Variants in RAC1 observed in about 807,000 individuals in gnomAD.
RAC1 encodes ras-related C3 botulinum toxin substrate 1.
Under a neutral mutation model 25.2 loss-of-function variants are expected in RAC1, and 2 were observed. The observed-to-expected ratio is 0.08, with a 90% CI of 0.03 to 0.25. RAC1 has a LOEUF of 0.25. Among genes scored for constraint, RAC1 ranks in the 10% least tolerant of loss-of-function variants. The pLI is 1.00. For missense variants in RAC1, 50 were observed against 235.7 expected (o/e 0.21, Z 5.16); for synonymous variants, 88 against 94.0 (o/e 0.94, Z 0.37).
intron 1 of RAC1, among the ~76,000 whole-genome samples, chr7:6,384,828 G>T (rs1782877554): frequency 6.6e-6 from 1 of 151,482 alleles, no homozygotes; most frequent in South Asian, 2.1e-4. Flanking sequence ...TTTGAGACAG[G>T]GTCTCACTTT....
chr7:6,387,104 T>C, intron 1 of RAC1, 108 bp from the exon 2 acceptor site: 1 of 677,414 alleles, frequency 1.5e-6, no homozygotes, highest in South Asian at 1.8e-5. Context: ...GCTAAGTATG[T>C]GATGTATATG....
chr7:6,387,045 A>G (rs1254868627), intron 1 of RAC1, among the ~76,000 whole-genome samples, 167 bp from the exon 2 acceptor site: 3 of 152,162 alleles, frequency 2.0e-5, no homozygotes, highest in Non-Finnish European at 2.9e-5. Context: ...ATTTCAGGGT[A>G]CCAATGTGTA....
intron 2 of RAC1, among the ~76,000 whole-genome samples, chr7:6,390,610 AT>A (rs1334177951): frequency 3.4e-5 from 5 of 146,964 alleles, no homozygotes; most frequent in East Asian, 2.0e-4. Context: ...AAAAAAAATA[AT>A]AATAATAATG....
intron 3 of RAC1, chr7:6,398,715 T>C (rs1199637279): frequency 6.2e-7 from 1 of 1,613,692 alleles, no homozygotes; most frequent in South Asian, 1.1e-5. Flanking sequence ...ACAAGCCGAT[T>C]GCCGTATGTA....
chr7:6,379,177 C>T (rs796412591), intron 1 of RAC1, among the ~76,000 whole-genome samples: 1 of 151,792 alleles, frequency 6.6e-6, no homozygotes, highest in Non-Finnish European at 1.5e-5. Flanking sequence ...TATTGGCTCA[C>T]TGCAGCCTCC....
intron 2 of RAC1, among the ~76,000 whole-genome samples, chr7:6,389,583 G>C (rs1783027154): frequency 6.6e-6 from 1 of 151,986 alleles, no homozygotes; most frequent in African/African-American, 2.4e-5. Flanking sequence ...GGGAGGCTGA[G>C]GCAGGAGGAT....
intron 1 of RAC1, among the ~76,000 whole-genome samples, chr7:6,380,040 C>T (rs1227853284): frequency 6.6e-6 from 1 of 152,196 alleles, no homozygotes; most frequent in Non-Finnish European, 1.5e-5. Context: ...GCCTGTCTAG[C>T]CCAATGTCTG....
At chr7:6,401,791 C>CT in intron 4 of RAC1, 77 bp from the exon 5 acceptor site, 1 of 1,500,694 alleles carries the variant, frequency 6.7e-7, no homozygotes, top group Non-Finnish European at 9.0e-7. Flanking sequence ...GCATGAGTGC[C>CT]GCCGGCTGGG....
chr7:6,402,212 G>T lies in RAC1; in HGVS notation c.449-104G>T, dbSNP rs1404932374. 2.7e-6 allele frequency: 4 copies of T among 1,495,658 alleles called. No homozygotes were observed. In the African/African-American group the frequency reaches 5.6e-5, roughly 21 times the overall value. The allele number at this position is 1,495,658 out of a possible 1,614,324, so 92.6% of individuals were successfully genotyped here. ...TTGGAAGGTGGAAGCAGGGCTGGGA[G>T]CCGGCAGAAGGCGCCCGGGCCCCAG... On this transcript the variant is annotated intron_variant, in intron 5 of 5. Coordinates refer to ENST00000348035, the MANE Select transcript of RAC1 (RefSeq NM_006908.5).
chr7:6,394,965 C>T (rs1390324358), intron 3 of RAC1, among the ~76,000 whole-genome samples: 1 of 152,188 alleles, frequency 6.6e-6, no homozygotes, highest in Non-Finnish European at 1.5e-5. Context: ...CGCCATTCTC[C>T]TGCCTCAGCC....
Position 6,374,673 on chromosome 7 carries a change from C to T in RAC1, c.-63C>T. ...AGCCGCGCGCCCGTCCGCCGCGCCC[C>T]GAGCCCGCCGCTTCCTATCTCAGCG... is the stretch of plus-strand genomic sequence containing the variant. On this transcript the variant is annotated 5_prime_UTR_variant, in exon 1 of 6. Transcript: ENST00000348035. 3.8e-6 allele frequency: 4 copies of T among 1,043,602 alleles called. No individual in the cohort carries two copies. The highest frequency in any genetic ancestry group is 3.5e-6 in the Non-Finnish European group (3 of 865,888). The allele number at this position is 1,043,602 out of a possible 1,614,324, so 64.6% of individuals were successfully genotyped here. A position where few individuals can be genotyped will look rare whatever the true frequency, so the allele number is the denominator to read the frequency against.
intron 3 of RAC1, chr7:6,398,816 G>C (rs1001437022): frequency 3.9e-5 from 45 of 1,156,198 alleles, no homozygotes; most frequent in Non-Finnish European, 5.3e-5. Context: ...CAAGCTCCTT[G>C]AGTGTTTTAT....
chr7:6,388,346 CTT>C (rs71008389), intron 2 of RAC1, among the ~76,000 whole-genome samples: 9 of 121,794 alleles, frequency 7.4e-5, no homozygotes, highest in Admixed American at 1.9e-4. Context: ...TGTTGTTTTC[CTT>C]TTTTTTTTTT....
chr7:6,400,522 G>T (rs891883329), intron 4 of RAC1, among the ~76,000 whole-genome samples: 1 of 152,042 alleles, frequency 6.6e-6, no homozygotes, highest in African/African-American at 2.4e-5. Flanking sequence ...TGTATGGCTG[G>T]TTTTGTAGAC....
intron 3 of RAC1, among the ~76,000 whole-genome samples, chr7:6,396,860 C>T (rs1298307647): frequency 6.6e-6 from 1 of 152,040 alleles, no homozygotes; most frequent in East Asian, 1.9e-4. Flanking sequence ...GAAACCTCGT[C>T]TCTACTAAAA....
rs565211606 is a variant in RAC1, at chr7:6,399,066, G to A, written c.226-1060G>A. On this transcript the variant is annotated intron_variant, in intron 3 of 5. Transcript: ENST00000348035. Reference sequence around the variant, plus strand: ...GGAGCAGGACTAACCTTGTTGCCGGGGCCTTCTTTCTCCGCTTGGGTGTCC... The same window carrying A: ...GGAGCAGGACTAACCTTGTTGCCGGAGCCTTCTTTCTCCGCTTGGGTGTCC... Among the ~76,000 whole-genome samples the A allele has an allele frequency of 5.3e-5, 8 of 152,106 alleles. No homozygotes were observed. The South Asian group carries it at 1.7e-3, about 32-fold the overall frequency.
At chr7:6,396,663 A>G (rs1219582178) in intron 3 of RAC1, among the ~76,000 whole-genome samples, 1 of 152,214 alleles carries the variant, frequency 6.6e-6, no homozygotes, top group Non-Finnish European at 1.5e-5. Context: ...TGGGAGGACA[A>G]ATCTTCAACA....
At chr7:6,378,641 A>G (rs937438555) in intron 1 of RAC1, among the ~76,000 whole-genome samples, 4 of 152,190 alleles carry the variant, frequency 2.6e-5, no homozygotes, top group Non-Finnish European at 5.9e-5. Flanking sequence ...TGGCCAAGAA[A>G]TATTACATAG....
At chr7:6,391,798 C>T (rs1291928793) in intron 2 of RAC1, 126 bp from the exon 3 acceptor site, 1 of 1,456,924 alleles carries the variant, frequency 6.9e-7, no homozygotes, top group African/African-American at 1.4e-5. Context: ...CCTGCAGGGA[C>T]ATTTGCTGGT....
Sources: gnomAD v4.1 joint callset for allele counts (sites outside exome capture counted in the v4.1 genomes callset) on GRCh38, gnomAD v4.1.1 for gene constraint, MANE v1.5 for transcripts, NCBI Gene and HGNC (gene_info 2026-07-23, HGNC 2026-07-21) for gene names.